MINDY2: variants seen among roughly 807,000 people sequenced by gnomAD.
The protein encoded by MINDY2 is ubiquitin carboxyl-terminal hydrolase MINDY-2.
Under a neutral mutation model 68.2 loss-of-function variants are expected in MINDY2, and 52 were observed. The ratio of observed to expected loss-of-function variants is 0.76; its 90% confidence interval spans 0.61 to 0.96. MINDY2 has a LOEUF of 0.96. Among genes scored for constraint, MINDY2 ranks in the 40% least tolerant of loss-of-function variants. The pLI is 0.00. For missense variants in MINDY2, 881 were observed against 773.4 expected (o/e 1.14, Z -1.65); for synonymous variants, 372 against 303.0 (o/e 1.23, Z -2.36).
intron 2 of MINDY2, chr15:58,795,928 G>A (rs1216239430): frequency 2.8e-6 from 1 of 354,030 alleles, no homozygotes; most frequent in Non-Finnish European, 5.6e-6. Context: ...CAGAGTGGTA[G>A]AATGAAGTCA....
In MINDY2 at chr15:58,860,724, C is replaced by T. The variant is rs2033196603; in HGVS notation, c.*6114C>T. 1 of 151,962 alleles carries T rather than the reference C, an allele frequency of 6.6e-6. No individual in the cohort carries two copies. The highest frequency in any genetic ancestry group is 1.5e-5 in the Non-Finnish European group (1 of 67,994). 9.4% of individuals were successfully genotyped at this position (151,962 alleles called of 1,614,324 possible). On this transcript the variant is annotated 3_prime_UTR_variant, in exon 9 of 9. Coordinates refer to ENST00000559228, the MANE Select transcript of MINDY2 (RefSeq NM_001040450.3). ...TGTTTTTTAAAAATTTTTAATGAAC[C>T]TTACATTGTGAACATAATTGCAACA...
intron 1 of MINDY2, among the ~76,000 whole-genome samples, chr15:58,775,684 G>A (rs1208503381): frequency 6.6e-6 from 1 of 152,118 alleles, no homozygotes; most frequent in Non-Finnish European, 1.5e-5. Flanking sequence ...CTGGGTAATA[G>A]AGATTGGCTG....
chr15:58,831,041 G>GTGTGTGTGTATA (rs565786025), intron 5 of MINDY2, among the ~76,000 whole-genome samples: 28 of 124,920 alleles, frequency 2.2e-4, no homozygotes, highest in African/African-American at 2.7e-4. Flanking sequence ...GTGTGTGTGT[G>GTGTGTGTGTATA]TATATATATA....
intron 2 of MINDY2, among the ~76,000 whole-genome samples, chr15:58,796,339 G>T (rs1902284659): frequency 6.6e-6 from 1 of 152,222 alleles, no homozygotes; most frequent in African/African-American, 2.4e-5. Context: ...AAGGAACAGT[G>T]TATGTGTCTA....
At chr15:58,843,479 C>T (rs994089664) in intron 6 of MINDY2, among the ~76,000 whole-genome samples, 34 of 152,208 alleles carry the variant, frequency 2.2e-4, no homozygotes, top group East Asian at 2.1e-3. Flanking sequence ...TGAATCCGAG[C>T]TAGTTAACCA....
intron 1 of MINDY2, among the ~76,000 whole-genome samples, chr15:58,776,988 A>G (rs1160687137): frequency 6.6e-6 from 1 of 152,214 alleles, no homozygotes; most frequent in Non-Finnish European, 1.5e-5. Flanking sequence ...TAAGATTGTA[A>G]AGCATTTGAC....
chr15:58,786,270 A>G (rs1405935060), intron 1 of MINDY2, among the ~76,000 whole-genome samples: 1 of 152,228 alleles, frequency 6.6e-6, no homozygotes, highest in Non-Finnish European at 1.5e-5. Context: ...TTGCTGATTT[A>G]AAGGATTTCT....
chr15:58,846,366 G>T (rs2032536481), intron 6 of MINDY2, among the ~76,000 whole-genome samples: 1 of 152,034 alleles, frequency 6.6e-6, no homozygotes, highest in African/African-American at 2.4e-5. Flanking sequence ...GGCTGAGGCG[G>T]GTGGATCACG....
intron 2 of MINDY2, among the ~76,000 whole-genome samples, chr15:58,801,174 A>G (rs554400237): frequency 2.0e-5 from 3 of 151,934 alleles, no homozygotes; most frequent in Non-Finnish European, 4.4e-5. Context: ...GGATTTCACC[A>G]TGTTGGCCAG....
Position 58,857,616 on chromosome 15 carries a change from C to T in MINDY2, c.*3006C>T, listed in dbSNP as rs1432903548. ...CCCAAGGTAACGTTATATATCCCAC[C>T]ACTTCATTGCTGGTTTGGGTACATA... On this transcript the variant is annotated 3_prime_UTR_variant, in exon 9 of 9. Coordinates refer to ENST00000559228, the MANE Select transcript of MINDY2 (RefSeq NM_001040450.3). 3.3e-5 allele frequency: 5 copies of T among 151,624 alleles called. No homozygotes were observed. Among genetic ancestry groups the T allele is most frequent in the Non-Finnish European group, 2.9e-5 (2 of 67,946 alleles). 9.4% of individuals were successfully genotyped at this position (151,624 alleles called of 1,614,324 possible). A position where few individuals can be genotyped will look rare whatever the true frequency, so the allele number is the denominator to read the frequency against.
chr15:58,772,406 A>G (rs1351134087), intron 1 of MINDY2, among the ~76,000 whole-genome samples, 171 bp downstream of exon 1: 1 of 152,190 alleles, frequency 6.6e-6, no homozygotes, highest in Non-Finnish European at 1.5e-5. Context: ...CTTTATACAT[A>G]TATCGAAAAG....
intron 3 of MINDY2, among the ~76,000 whole-genome samples, chr15:58,808,549 C>G (rs1389026320): frequency 6.6e-6 from 1 of 152,024 alleles, no homozygotes; most frequent in Non-Finnish European, 1.5e-5. Context: ...TAGCTCATCT[C>G]TATTTTTTTT....
intron 5 of MINDY2, among the ~76,000 whole-genome samples, chr15:58,823,377 A>G (rs1207138088): frequency 6.6e-6 from 1 of 151,984 alleles, no homozygotes; most frequent in African/African-American, 2.4e-5. Context: ...GTAAACATAT[A>G]AAGATACAGG....
intron 2 of MINDY2, among the ~76,000 whole-genome samples, chr15:58,792,818 CATATAGTGTATGATTCCAT>C (rs1457266988): frequency 6.6e-6 from 1 of 152,006 alleles, no homozygotes; most frequent in Non-Finnish European, 1.5e-5. Context: ...TACAAAAGAC[CATATAGTGTATGATTCCAT>C]CTATATGAAA....
At chr15:58,789,611 C>T (rs1340181241) in intron 2 of MINDY2, among the ~76,000 whole-genome samples, 1 of 151,908 alleles carries the variant, frequency 6.6e-6, no homozygotes, top group Admixed American at 6.6e-5. Context: ...GCACATGCTA[C>T]CACACCCAGC....
intron 6 of MINDY2, among the ~76,000 whole-genome samples, chr15:58,844,251 A>G (rs1455005049): frequency 6.6e-6 from 1 of 152,194 alleles, no homozygotes; most frequent in African/African-American, 2.4e-5. Flanking sequence ...CTGTGGACTA[A>G]TAATCTCCAT....
intron 1 of MINDY2, among the ~76,000 whole-genome samples, chr15:58,787,577 A>T (rs1198195490): frequency 6.6e-6 from 1 of 151,990 alleles, no homozygotes; most frequent in Admixed American, 6.6e-5. Context: ...TCTACTAAAA[A>T]TACAAAACAA....
intron 5 of MINDY2, 102 bp downstream of exon 5, chr15:58,821,921 A>T (rs1302471602): frequency 2.8e-6 from 2 of 724,226 alleles, no homozygotes; most frequent in Non-Finnish European, 2.2e-6. Flanking sequence ...CTTCTAAAAA[A>T]CACATGTTAT....
At chr15:58,834,352 C>A (rs576650162) in intron 6 of MINDY2, among the ~76,000 whole-genome samples, 7 of 152,234 alleles carry the variant, frequency 4.6e-5, no homozygotes, top group African/African-American at 1.4e-4. Context: ...TTTTGCCTGT[C>A]CCAATTTTAC....
Sources: allele counts gnomAD v4.1 joint callset (sites outside exome capture counted in the v4.1 genomes callset), GRCh38; gene constraint gnomAD v4.1.1; transcripts MANE v1.5; gene names NCBI Gene and HGNC (gene_info 2026-07-23, HGNC 2026-07-21).